The following SPMIP2 variants were observed in gnomAD, a reference collection of about 807,000 sequenced individuals.
SPMIP2 encodes the protein protein SPMIP2.
chr4:158,893,855 A>T, the SPMIP2 span: 5 of 578,988 alleles, frequency 8.6e-6, no homozygotes, highest in East Asian at 1.4e-4. Context: ...TGTTATAGTT[A>T]ATTCTTTTTA....
the SPMIP2 span, among the ~76,000 whole-genome samples, chr4:158,975,486 G>A: frequency 6.6e-6 from 1 of 152,138 alleles, no homozygotes; most frequent in South Asian, 2.1e-4. Flanking sequence ...AAAGGTGTAA[G>A]GAAGGGGTCC....
At chr4:158,984,305 C>T in the SPMIP2 span, among the ~76,000 whole-genome samples, 1 of 122,010 alleles carries the variant, frequency 8.2e-6, no homozygotes, top group Non-Finnish European at 1.8e-5. Context: ...ACAGAACTCT[C>T]CACCCCAAAT....
the SPMIP2 span, among the ~76,000 whole-genome samples, chr4:159,075,933 G>A: frequency 6.6e-6 from 1 of 152,012 alleles, no homozygotes; most frequent in Non-Finnish European, 1.5e-5. Context: ...CTGGCTGGTG[G>A]CACTAATTTT....
the SPMIP2 span, chr4:159,007,003 T>C: frequency 4.9e-6 from 2 of 404,122 alleles, no homozygotes; most frequent in South Asian, 3.9e-5. Flanking sequence ...CCAGTGTTGT[T>C]CTAATATTGT....
the SPMIP2 span, among the ~76,000 whole-genome samples, chr4:159,060,673 T>A: frequency 6.6e-6 from 1 of 152,224 alleles, no homozygotes; most frequent in Non-Finnish European, 1.5e-5. Flanking sequence ...GACCACAGTG[T>A]CATCCTGGTG....
chr4:158,944,955 G>A, the SPMIP2 span, among the ~76,000 whole-genome samples: 8 of 152,126 alleles, frequency 5.3e-5, no homozygotes, highest in African/African-American at 1.4e-4. Context: ...TGGGTACTAT[G>A]TAAAGGGATG....
At chr4:158,930,207 C>CTCTCTCTCTG in the SPMIP2 span, among the ~76,000 whole-genome samples, 1 of 97,270 alleles carries the variant, frequency 1.0e-5, no homozygotes, top group Non-Finnish European at 2.0e-5. Flanking sequence ...CTCTCTCTCT[C>CTCTCTCTCTG]TCTCTCTCTC....
the SPMIP2 span, among the ~76,000 whole-genome samples, chr4:159,000,742 A>G: frequency 7.2e-6 from 1 of 139,278 alleles, no homozygotes; most frequent in South Asian, 2.5e-4. Flanking sequence ...GATCCACCCA[A>G]CCCAAAGTGC....
At chr4:158,916,520 C>T in the SPMIP2 span, among the ~76,000 whole-genome samples, 1 of 152,164 alleles carries the variant, frequency 6.6e-6, no homozygotes, top group African/African-American at 2.4e-5. Flanking sequence ...CCCCTGACAT[C>T]CCATCATCCT....
chr4:159,040,985 T>C, the SPMIP2 span, among the ~76,000 whole-genome samples: 2 of 152,178 alleles, frequency 1.3e-5, no homozygotes, highest in Non-Finnish European at 2.9e-5. Flanking sequence ...ATTCAATAAA[T>C]ATCAGCTGCA....
the SPMIP2 span, chr4:158,907,721 G>T: frequency 6.6e-6 from 1 of 152,126 alleles, no homozygotes; most frequent in East Asian, 1.9e-4. Context: ...TTTTTATTGT[G>T]CTTGGGGGAG....
the SPMIP2 span, among the ~76,000 whole-genome samples, chr4:159,072,402 C>G: frequency 6.9e-6 from 1 of 145,220 alleles, no homozygotes; most frequent in Admixed American, 6.8e-5. Flanking sequence ...ATTTCTTGAT[C>G]TTTTCTGTTA....
At chr4:158,983,447 G>A in the SPMIP2 span, among the ~76,000 whole-genome samples, 7 of 151,782 alleles carry the variant, frequency 4.6e-5, no homozygotes, top group African/African-American at 1.7e-4. Flanking sequence ...AGCCCATCAG[G>A]CTAACAGCGG....
chr4:158,980,307 G>A, the SPMIP2 span, among the ~76,000 whole-genome samples: 28 of 152,292 alleles, frequency 1.8e-4, no homozygotes, highest in Middle Eastern at 3.4e-3. Flanking sequence ...CCTGCCTGCC[G>A]GCTCTGAAGA....
At chr4:158,991,961 A>T in the SPMIP2 span, among the ~76,000 whole-genome samples, 1 of 152,158 alleles carries the variant, frequency 6.6e-6, no homozygotes, top group East Asian at 1.9e-4. Context: ...ATGCAATCCT[A>T]GCTCACTGCA....
chr4:159,068,083 A>G, the SPMIP2 span, among the ~76,000 whole-genome samples: 1 of 152,212 alleles, frequency 6.6e-6, no homozygotes, highest in African/African-American at 2.4e-5. Context: ...TAGTTCAACC[A>G]TTGTGGAAGT....
chr4:159,049,404 G>A, the SPMIP2 span, among the ~76,000 whole-genome samples: 2 of 152,142 alleles, frequency 1.3e-5, no homozygotes, highest in African/African-American at 4.8e-5. Flanking sequence ...ATCAAGATTC[G>A]CAAAGATTGA....
At chr4:159,027,856 CA>C in the SPMIP2 span, among the ~76,000 whole-genome samples, 5 of 152,156 alleles carry the variant, frequency 3.3e-5, no homozygotes, top group African/African-American at 1.2e-4. Flanking sequence ...CTTACAGTTT[CA>C]TTCATCATAT....
At chr4:159,073,690 C>A in the SPMIP2 span, among the ~76,000 whole-genome samples, 1 of 151,956 alleles carries the variant, frequency 6.6e-6, no homozygotes, top group Non-Finnish European at 1.5e-5. Context: ...GAAATATGTC[C>A]AAAATACGTC....
Sources: gnomAD v4.1 joint callset for allele counts (sites outside exome capture counted in the v4.1 genomes callset) on GRCh38, gnomAD v4.1.1 for gene constraint, MANE v1.5 for transcripts, NCBI Gene and HGNC (gene_info 2026-07-23, HGNC 2026-07-21) for gene names.